The following HS3ST4 variants were observed in gnomAD, a reference collection of about 807,000 sequenced individuals.
HS3ST4 encodes heparan sulfate glucosamine 3-O-sulfotransferase 4.
A neutral mutation model predicts 29.2 loss-of-function variants in HS3ST4; 17 were observed. That is an observed-to-expected ratio of 0.58 (90% CI 0.40 to 0.87). The LOEUF (loss-of-function observed/expected upper bound fraction) is 0.87, where lower values mean the gene tolerates loss of function less well. Among genes scored for constraint, HS3ST4 ranks in the 40% least tolerant of loss-of-function variants. The pLI is 0.00. For missense variants in HS3ST4, 627 were observed against 634.5 expected (o/e 0.99, Z 0.13); for synonymous variants, 314 against 285.7 (o/e 1.10, Z -1.00).
At chr16:25,943,103 G>T (rs1968589156) in intron 1 of HS3ST4, among the ~76,000 whole-genome samples, 1 of 152,124 alleles carries the variant, frequency 6.6e-6, no homozygotes, top group Admixed American at 6.5e-5. Flanking sequence ...CCTGCCAATT[G>T]CCACTTATCA....
At chr16:26,105,409 G>A (rs1048900359) in intron 1 of HS3ST4, among the ~76,000 whole-genome samples, 1 of 152,072 alleles carries the variant, frequency 6.6e-6, no homozygotes, top group Non-Finnish European at 1.5e-5. Flanking sequence ...TCATTTCCTG[G>A]GTGATTGGTT....
intron 1 of HS3ST4, among the ~76,000 whole-genome samples, chr16:25,969,950 A>G (rs1388512850): frequency 1.3e-5 from 2 of 152,198 alleles, no homozygotes; most frequent in Non-Finnish European, 2.9e-5. Context: ...TTTGTCTCCA[A>G]TCCTGGCCCC....
At chr16:25,932,390 G>T (rs1235465067) in intron 1 of HS3ST4, among the ~76,000 whole-genome samples, 1 of 152,154 alleles carries the variant, frequency 6.6e-6, no homozygotes, top group East Asian at 1.9e-4. Context: ...CAATAGAAGG[G>T]CTCCATGAAG....
At chr16:26,014,652 TG>T (rs1412753159) in intron 1 of HS3ST4, among the ~76,000 whole-genome samples, 1 of 152,224 alleles carries the variant, frequency 6.6e-6, no homozygotes, top group East Asian at 1.9e-4. Context: ...GCTCCATCCA[TG>T]TGGCTGTAAA....
At chr16:25,768,886 T>C (rs10852293) in intron 1 of HS3ST4, among the ~76,000 whole-genome samples, 106,584 of 151,990 alleles carry the variant, frequency 0.7, 37,686 homozygotes, top group Middle Eastern at 0.76. Flanking sequence ...TCAGCTGCAT[T>C]GCACTGGCTC....
intron 1 of HS3ST4, among the ~76,000 whole-genome samples, chr16:26,006,473 G>A (rs1256084486): frequency 6.6e-6 from 1 of 151,976 alleles, no homozygotes; most frequent in Non-Finnish European, 1.5e-5. Context: ...AAGACAGGGG[G>A]ACTGCAATAG....
intron 1 of HS3ST4, among the ~76,000 whole-genome samples, chr16:25,739,567 T>A (rs1238595209): frequency 6.6e-6 from 1 of 152,208 alleles, no homozygotes; most frequent in Non-Finnish European, 1.5e-5. Flanking sequence ...CTGGCTGTCA[T>A]CATGACTATA....
intron 1 of HS3ST4, among the ~76,000 whole-genome samples, chr16:25,834,459 G>A (rs1442830552): frequency 7.9e-5 from 12 of 152,130 alleles, no homozygotes; most frequent in Non-Finnish European, 1.5e-5. Flanking sequence ...AATGAATTGT[G>A]ATATATTCTT....
At chr16:25,841,227 G>C (rs1363100398) in intron 1 of HS3ST4, among the ~76,000 whole-genome samples, 2 of 151,890 alleles carry the variant, frequency 1.3e-5, no homozygotes, top group African/African-American at 4.8e-5. Context: ...GGATGGTCTC[G>C]ATCTCCTGAC....
intron 1 of HS3ST4, among the ~76,000 whole-genome samples, chr16:25,894,385 A>G (rs1219749520): frequency 6.6e-6 from 1 of 152,218 alleles, no homozygotes; most frequent in Non-Finnish European, 1.5e-5. Flanking sequence ...CAAGGTGAGC[A>G]TAAAAGCAGA....
chr16:25,873,495 T>TGTG (rs1263311401), intron 1 of HS3ST4, among the ~76,000 whole-genome samples: 1 of 146,638 alleles, frequency 6.8e-6, no homozygotes, highest in African/African-American at 2.5e-5. Context: ...TCTATCTATC[T>TGTG]ATCTATCTAT....
intron 1 of HS3ST4, among the ~76,000 whole-genome samples, chr16:26,113,850 T>C (rs745868066): frequency 6.6e-6 from 1 of 152,054 alleles, no homozygotes; most frequent in Non-Finnish European, 1.5e-5. Flanking sequence ...GATGCAATGG[T>C]AGTAGTAATT....
At chr16:25,886,905 T>C (rs565237290) in intron 1 of HS3ST4, 6 of 152,380 alleles carry the variant, frequency 3.9e-5, no homozygotes, top group African/African-American at 1.4e-4. Flanking sequence ...GTTTGTCCTT[T>C]GCTCTGGTAT....
At chr16:25,812,151 T>G (rs948457657) in intron 1 of HS3ST4, among the ~76,000 whole-genome samples, 6 of 152,228 alleles carry the variant, frequency 3.9e-5, no homozygotes, top group Admixed American at 6.5e-5. Context: ...TTTGTTTTGA[T>G]CATTTCTAAC....
chr16:25,901,254 A>G (rs1235616067), intron 1 of HS3ST4, among the ~76,000 whole-genome samples: 2 of 152,170 alleles, frequency 1.3e-5, no homozygotes, highest in East Asian at 3.9e-4. Flanking sequence ...AGGGCCATGT[A>G]AAAATGTCTG....
intron 1 of HS3ST4, among the ~76,000 whole-genome samples, chr16:25,855,395 T>C (rs1463027679): frequency 6.6e-6 from 1 of 152,216 alleles, no homozygotes; most frequent in Non-Finnish European, 1.5e-5. Flanking sequence ...TTAATAGAGA[T>C]TCTCTACAAA....
intron 1 of HS3ST4, among the ~76,000 whole-genome samples, chr16:26,014,789 C>T (rs1969347126): frequency 1.3e-5 from 2 of 152,134 alleles, no homozygotes; most frequent in Non-Finnish European, 2.9e-5. Flanking sequence ...ATTGTATCAT[C>T]ACCATTTTAC....
At chr16:26,078,304 A>G (rs981462703) in intron 1 of HS3ST4, among the ~76,000 whole-genome samples, 1 of 151,834 alleles carries the variant, frequency 6.6e-6, no homozygotes, top group African/African-American at 2.4e-5. Flanking sequence ...CCACATCCAG[A>G]TAGTTTTTTT....
At chr16:26,102,138 G>A (rs1426816479) in intron 1 of HS3ST4, among the ~76,000 whole-genome samples, 1 of 151,996 alleles carries the variant, frequency 6.6e-6, no homozygotes, top group Non-Finnish European at 1.5e-5. Flanking sequence ...ACAGAAAGTG[G>A]TTCATTTGAG....
Sources: allele counts gnomAD v4.1 joint callset (sites outside exome capture counted in the v4.1 genomes callset), GRCh38; gene constraint gnomAD v4.1.1; transcripts MANE v1.5; gene names NCBI Gene and HGNC (gene_info 2026-07-23, HGNC 2026-07-21).